ADGRB3: variants seen among roughly 807,000 people sequenced by gnomAD.
The protein encoded by ADGRB3 is adhesion G protein-coupled receptor B3.
ADGRB3 carries 37 observed loss-of-function variants against 193.4 expected under a neutral mutation model. That is an observed-to-expected ratio of 0.19 (90% CI 0.15 to 0.25). The LOEUF is 0.25. ADGRB3 is among the 10% of genes least tolerant of loss of function. The probability of loss-of-function intolerance (pLI) is 1.00; values close to 1 mark genes in which losing one functional copy is unlikely to be tolerated. For synonymous variants in ADGRB3, 690 were observed against 644.2 expected, an observed-to-expected ratio of 1.07 and a Z score of -1.08; for missense variants, 1,637 against 1,852.9, an observed-to-expected ratio of 0.88 and a Z score of 2.14.
intron 20 of ADGRB3, among the ~76,000 whole-genome samples, chr6:69,298,283 A>C (rs1007047438): frequency 1.3e-5 from 2 of 152,016 alleles, no homozygotes; most frequent in African/African-American, 4.8e-5. Flanking sequence ...GCTAACTGAT[A>C]GACTCAGGCC....
At chr6:68,812,647 G>T (rs1245192645) in intron 3 of ADGRB3, among the ~76,000 whole-genome samples, 1 of 151,930 alleles carries the variant, frequency 6.6e-6, no homozygotes, top group Non-Finnish European at 1.5e-5. Flanking sequence ...TTCTACTAAT[G>T]TACAAAGATT....
intron 3 of ADGRB3, among the ~76,000 whole-genome samples, chr6:68,793,690 G>T (rs938136151): frequency 6.6e-6 from 1 of 151,868 alleles, no homozygotes; most frequent in Admixed American, 6.6e-5. Context: ...CACCATGCTC[G>T]GCTAATTTTT....
intron 3 of ADGRB3, among the ~76,000 whole-genome samples, chr6:68,862,131 A>C (rs1378004191): frequency 1.7e-4 from 24 of 141,426 alleles, no homozygotes; most frequent in South Asian, 1.0e-3. Context: ...AGGAGGAGGG[A>C]CCCCCCCCCC....
chr6:68,915,919 A>G (rs895394000), intron 3 of ADGRB3, among the ~76,000 whole-genome samples: 1 of 152,138 alleles, frequency 6.6e-6, no homozygotes, highest in Non-Finnish European at 1.5e-5. Context: ...CAGGCATTAT[A>G]TGAGTTTCAC....
At chr6:69,320,361 T>G (rs1170261700) in intron 20 of ADGRB3, among the ~76,000 whole-genome samples, 1 of 151,478 alleles carries the variant, frequency 6.6e-6, no homozygotes, top group Non-Finnish European at 1.5e-5. Flanking sequence ...TTTATTTATT[T>G]TTAACTATTA....
chr6:68,929,402 G>A (rs190899053), intron 3 of ADGRB3, among the ~76,000 whole-genome samples: 1 of 152,182 alleles, frequency 6.6e-6, no homozygotes, highest in East Asian at 1.9e-4. Context: ...GGATTTGGTA[G>A]GACAGATGAA....
At chr6:69,353,565 G>A (rs542193552) in intron 26 of ADGRB3, among the ~76,000 whole-genome samples, 8 of 152,276 alleles carry the variant, frequency 5.3e-5, no homozygotes, top group African/African-American at 1.9e-4. Context: ...TAATGCCATA[G>A]CAAATAGTAA....
intron 6 of ADGRB3, among the ~76,000 whole-genome samples, chr6:68,948,180 G>A (rs1318046513): frequency 6.6e-6 from 1 of 152,126 alleles, no homozygotes; most frequent in African/African-American, 2.4e-5. Flanking sequence ...AGAATATTTG[G>A]TACTTTGTGA....
intron 20 of ADGRB3, among the ~76,000 whole-genome samples, chr6:69,254,446 T>C (rs972931039): frequency 1.3e-5 from 2 of 152,178 alleles, no homozygotes; most frequent in Non-Finnish European, 2.9e-5. Context: ...ATGTATAATT[T>C]GTGTTTTACT....
chr6:69,286,678 A>C (rs1292456740), intron 20 of ADGRB3, among the ~76,000 whole-genome samples: 7 of 152,226 alleles, frequency 4.6e-5, no homozygotes, highest in Admixed American at 1.3e-4. Flanking sequence ...TTTCAAAACT[A>C]GAAACTTGAA....
chr6:69,126,248 T>C (rs1028790160), intron 17 of ADGRB3, among the ~76,000 whole-genome samples: 137 of 152,024 alleles, frequency 9.0e-4, no homozygotes, highest in Non-Finnish European at 1.3e-3. Flanking sequence ...CATACATACA[T>C]ACATACATAC....
At chr6:69,104,344 T>C (rs898254248) in intron 17 of ADGRB3, among the ~76,000 whole-genome samples, 2 of 151,568 alleles carry the variant, frequency 1.3e-5, no homozygotes, top group African/African-American at 4.8e-5. Context: ...ATTTCATCCA[T>C]GTCCCTACAA....
chr6:68,661,612 A>G (rs1408833799), intron 3 of ADGRB3, among the ~76,000 whole-genome samples: 4 of 144,368 alleles, frequency 2.8e-5, no homozygotes, highest in Admixed American at 7.1e-5. Context: ...TGGACTTTCA[A>G]TGATTGGCAG....
chr6:68,788,864 A>G (rs1767034158), intron 3 of ADGRB3, among the ~76,000 whole-genome samples: 1 of 152,196 alleles, frequency 6.6e-6, no homozygotes, highest in Admixed American at 6.5e-5. Context: ...TACATATAGG[A>G]TAGTTAGCTC....
intron 6 of ADGRB3, 104 bp downstream of exon 6, chr6:68,944,098 G>T: frequency 8.0e-7 from 1 of 1,248,422 alleles, no homozygotes; most frequent in Non-Finnish European, 1.1e-6. Context: ...CAGTCACGTT[G>T]GGAAATGTGT....
chr6:69,277,028 G>A (rs933451260), intron 20 of ADGRB3, among the ~76,000 whole-genome samples: 6 of 135,976 alleles, frequency 4.4e-5, no homozygotes, highest in South Asian at 2.3e-4. Context: ...ATGGAGTCTC[G>A]CTCTGTCACC....
intron 17 of ADGRB3, among the ~76,000 whole-genome samples, chr6:69,229,954 C>A (rs192190091): frequency 6.6e-6 from 1 of 152,062 alleles, no homozygotes. Flanking sequence ...CTTTTGAATA[C>A]TTGGGACAGG....
At chr6:69,363,196 A>G (rs112576355) in intron 29 of ADGRB3, among the ~76,000 whole-genome samples, 7 of 152,116 alleles carry the variant, frequency 4.6e-5, no homozygotes, top group African/African-American at 1.7e-4. Context: ...TGTATTATAT[A>G]TAACTGTGAT....
At chr6:68,946,923 A>G (rs146222441) in intron 6 of ADGRB3, among the ~76,000 whole-genome samples, 6 of 152,294 alleles carry the variant, frequency 3.9e-5, no homozygotes, top group East Asian at 1.9e-4. Context: ...CTATAAGTAG[A>G]TAATATGCTA....
Sources: allele counts gnomAD v4.1 joint callset (sites outside exome capture counted in the v4.1 genomes callset), GRCh38; gene constraint gnomAD v4.1.1; transcripts MANE v1.5; gene names NCBI Gene and HGNC (gene_info 2026-07-23, HGNC 2026-07-21).